Variants in THUMPD2 observed in about 807,000 individuals in gnomAD.
The protein encoded by THUMPD2 is U6 snRNA (guanine-N(2))-methyltransferase THUMPD2.
Under a neutral mutation model 49.4 loss-of-function variants are expected in THUMPD2, and 56 were observed. The ratio of observed to expected loss-of-function variants is 1.13; its 90% CI spans 0.91 to 1.41. The LOEUF is 1.41. Among genes scored for constraint, THUMPD2 ranks in the 40% most tolerant of loss-of-function variants. The pLI is 0.00. For missense variants in THUMPD2, 709 were observed against 594.5 expected (o/e 1.19, Z -2.00); for synonymous variants, 237 against 205.2 (o/e 1.15, Z -1.32).
At chr2:39,754,894 G>A (rs1262708449) in intron 8 of THUMPD2, among the ~76,000 whole-genome samples, 1 of 152,206 alleles carries the variant, frequency 6.6e-6, no homozygotes, top group African/African-American at 2.4e-5. Flanking sequence ...TGTCTAATGT[G>A]AGGCAAGACA....
At chr2:39,748,986 A>C (rs1675013230) in intron 8 of THUMPD2, among the ~76,000 whole-genome samples, 1 of 145,342 alleles carries the variant, frequency 6.9e-6, no homozygotes, top group Admixed American at 6.9e-5. Context: ...TCTCTCTCTT[A>C]AAAAAAAAAA....
chr2:39,778,562 T>G (rs1679414587), intron 1 of THUMPD2, among the ~76,000 whole-genome samples: 1 of 152,242 alleles, frequency 6.6e-6, no homozygotes, highest in Admixed American at 6.5e-5. Flanking sequence ...AACCGATGCT[T>G]AAAACCTTGT....
intron 8 of THUMPD2, among the ~76,000 whole-genome samples, chr2:39,749,332 G>A (rs1483288472): frequency 2.0e-5 from 3 of 152,200 alleles, no homozygotes; most frequent in Non-Finnish European, 4.4e-5. Flanking sequence ...TAAATTATGT[G>A]ATGATATTGA....
At chr2:39,748,430 C>T (rs1254027575) in intron 8 of THUMPD2, among the ~76,000 whole-genome samples, 2 of 152,158 alleles carry the variant, frequency 1.3e-5, no homozygotes, top group African/African-American at 2.4e-5. Context: ...AGGCCGGGTA[C>T]GGTGGTTCAC....
intron 3 of THUMPD2, chr2:39,769,013 TGGTGTTC>T (rs1677928498): frequency 7.7e-7 from 1 of 1,304,588 alleles, no homozygotes. Context: ...CAACAGTTTG[TGGTGTTC>T]GCTCTTCTCT....
chr2:39,752,703 TCA>T (rs1172797951), intron 8 of THUMPD2, among the ~76,000 whole-genome samples: 1 of 152,086 alleles, frequency 6.6e-6, no homozygotes, highest in Non-Finnish European at 1.5e-5. Context: ...TAAAAACAAC[TCA>T]CAGAAGAATC....
intron 6 of THUMPD2, among the ~76,000 whole-genome samples, chr2:39,758,632 G>A (rs1477026337): frequency 6.6e-6 from 1 of 152,192 alleles, no homozygotes; most frequent in African/African-American, 2.4e-5. Context: ...AGGACTGACA[G>A]ATTCTCTTTA....
intron 8 of THUMPD2, chr2:39,744,714 A>C (rs1479915846): frequency 6.9e-6 from 2 of 287,962 alleles, no homozygotes; most frequent in Non-Finnish European, 1.3e-5. Context: ...AATAAAATGT[A>C]AGTTAAGCAG....
chr2:39,776,792 GT>G (rs1679169325), intron 1 of THUMPD2, among the ~76,000 whole-genome samples: 1 of 152,320 alleles, frequency 6.6e-6, no homozygotes, highest in East Asian at 1.9e-4. Flanking sequence ...CAAACTGTGT[GT>G]TGGGAGTTCT....
At chr2:39,773,333 T>C (rs1487426431) in intron 1 of THUMPD2, among the ~76,000 whole-genome samples, 1 of 151,886 alleles carries the variant, frequency 6.6e-6, no homozygotes, top group Non-Finnish European at 1.5e-5. Flanking sequence ...ACGAACTAAA[T>C]ATTTTACTGA....
At chr2:39,743,491 T>C (rs540721226) in intron 9 of THUMPD2, among the ~76,000 whole-genome samples, 15 of 152,314 alleles carry the variant, frequency 9.8e-5, no homozygotes, top group East Asian at 9.6e-4. Flanking sequence ...ATGTTGAAAT[T>C]TGATCCCCAG....
At chr2:39,768,951 C>A in intron 3 of THUMPD2, 1 of 1,304,228 alleles carries the variant, frequency 7.7e-7, no homozygotes, top group Admixed American at 2.3e-5. Flanking sequence ...AGACCAATGG[C>A]CTTTAACATC....
intron 8 of THUMPD2, among the ~76,000 whole-genome samples, chr2:39,753,916 A>C (rs534176405): frequency 6.6e-6 from 1 of 152,300 alleles, no homozygotes; most frequent in East Asian, 1.9e-4. Context: ...TTCAAAACTA[A>C]GATTTATGCA....
chr2:39,744,006 T>C (rs367876757), intron 9 of THUMPD2, among the ~76,000 whole-genome samples: 2 of 151,686 alleles, frequency 1.3e-5, no homozygotes, highest in East Asian at 1.9e-4. Context: ...CAGATTCTCA[T>C]CTGTTAAGTG....
chr2:39,774,157 T>C (rs1458190566), intron 1 of THUMPD2, among the ~76,000 whole-genome samples: 1 of 152,248 alleles, frequency 6.6e-6, no homozygotes, highest in Non-Finnish European at 1.5e-5. Context: ...GCAGGGCTAG[T>C]TCCCGCCTTG....
At chr2:39,765,785 C>CATTTAAT (rs1297827437) in intron 5 of THUMPD2, among the ~76,000 whole-genome samples, 3 of 151,970 alleles carry the variant, frequency 2.0e-5, no homozygotes, top group Non-Finnish European at 4.4e-5. Context: ...CTGTGAAAAC[C>CATTTAAT]ATTTAATAAT....
intron 9 of THUMPD2, among the ~76,000 whole-genome samples, chr2:39,738,958 A>C (rs1351091252): frequency 6.6e-6 from 1 of 152,116 alleles, no homozygotes; most frequent in Non-Finnish European, 1.5e-5. Flanking sequence ...GCCCAGCAAA[A>C]ATCTAAGAAG....
intron 6 of THUMPD2, chr2:39,757,108 G>C (rs142575232): frequency 1.0e-3 from 318 of 312,528 alleles, no homozygotes; most frequent in Non-Finnish European, 1.7e-3. Context: ...ATAATGGTCT[G>C]TACTCTTACA....
Position 39,771,617 on chromosome 2 carries a change from A to C in THUMPD2, c.150T>G (p.Val50=). The change falls in exon 2 of 10, where the codon GTT becomes GTG. Residue 50 remains valine (V), a synonymous_variant. Coordinates refer to ENST00000505747, the MANE Select transcript of THUMPD2 (RefSeq NM_025264.5). The part of the protein sequence containing the change: ...ATQVEYISGK[V]FFTTCSDLNM... ...TCAAATCAGAACAGGTGGTGAAAAA[A>C]ACCTTTCCTGAAATATATTCAACCT... 1 of 1,604,236 alleles carries C rather than the reference A, an allele frequency of 6.2e-7. No individual in the cohort carries two copies. The highest frequency in any genetic ancestry group is 8.5e-7 in the Non-Finnish European group (1 of 1,177,368).
Sources: gnomAD v4.1 joint callset for allele counts (sites outside exome capture counted in the v4.1 genomes callset) on GRCh38, gnomAD v4.1.1 for gene constraint, MANE v1.5 for transcripts, NCBI Gene and HGNC (gene_info 2026-07-23, HGNC 2026-07-21) for gene names.